Variants in TNFRSF8 observed in about 807,000 individuals in gnomAD.
The protein encoded by TNFRSF8 is tumor necrosis factor receptor superfamily member 8.
TNFRSF8 carries 26 observed loss-of-function variants against 70.8 expected under a neutral mutation model. The ratio of observed to expected loss-of-function variants is 0.37; its 90% CI spans 0.27 to 0.51. The LOEUF is 0.51. Among genes scored for constraint, TNFRSF8 ranks in the 20% least tolerant of loss-of-function variants. The pLI is 0.94. For synonymous variants in TNFRSF8, 356 were observed against 339.2 expected (o/e 1.05, Z -0.54); for missense variants, 720 against 807.9 (o/e 0.89, Z 1.32).
chr1:12,082,909 C>T (rs941971015), intron 1 of TNFRSF8, among the ~76,000 whole-genome samples: 2 of 151,716 alleles, frequency 1.3e-5, no homozygotes, highest in Non-Finnish European at 2.9e-5. Context: ...TACATATAAT[C>T]AACAAAAGCC....
chr1:12,117,236 C>T (rs1368900670), intron 8 of TNFRSF8, among the ~76,000 whole-genome samples: 1 of 152,090 alleles, frequency 6.6e-6, no homozygotes, highest in Non-Finnish European at 1.5e-5. Context: ...GTGCCCGCCA[C>T]CACACCCAGC....
intron 1 of TNFRSF8, chr1:12,077,893 C>G (rs1159724031): frequency 6.6e-6 from 1 of 151,300 alleles, no homozygotes; most frequent in African/African-American, 2.4e-5. Context: ...AAATATGGAC[C>G]GTTTCATGAA....
In TNFRSF8 at chr1:12,108,318, T is replaced by C. The variant is rs893929719; in HGVS notation, c.422-1248T>C. Among the ~76,000 whole-genome samples the C allele has an allele frequency of 1.3e-5, 2 of 151,484 alleles. No individual in the cohort carries two copies. The highest frequency in any genetic ancestry group is 4.8e-5 in the African/African-American group (2 of 41,280). On this transcript the variant is annotated intron_variant, in intron 4 of 14. Coordinates refer to ENST00000263932, the MANE Select transcript of TNFRSF8 (RefSeq NM_001243.5). This position sits in a 1 kb window ranked among gnomAD's most constrained non-coding sequence, Gnocchi z 4.0. ...TGGTCTCGAACTCCTGACCTCATGA[T>C]CCGCCCACCTCGGCCTCCCAAAGTG... is the stretch of plus-strand genomic sequence containing the variant.
At chr1:12,128,930 G>A (rs141589861) in intron 12 of TNFRSF8, among the ~76,000 whole-genome samples, 1 of 147,290 alleles carries the variant, frequency 6.8e-6, no homozygotes, top group African/African-American at 2.5e-5. Context: ...CGCCTCACGG[G>A]TTCAAGTGAT....
At chr1:12,085,043 A>G (rs990228953) in intron 2 of TNFRSF8, among the ~76,000 whole-genome samples, 3 of 152,264 alleles carry the variant, frequency 2.0e-5, no homozygotes, top group Middle Eastern at 3.4e-3. Context: ...GGCTGTCAAC[A>G]TCCTCTGACC....
intron 12 of TNFRSF8, among the ~76,000 whole-genome samples, chr1:12,131,943 G>A (rs146722370): frequency 0.016 from 2,370 of 151,904 alleles, 27 homozygotes; most frequent in Non-Finnish European, 0.025. Flanking sequence ...ATAGGCGCGC[G>A]CCACCATGCC....
chr1:12,090,373 C>T (rs765850903), intron 2 of TNFRSF8, among the ~76,000 whole-genome samples: 1 of 151,130 alleles, frequency 6.6e-6, no homozygotes, highest in African/African-American at 2.4e-5. Flanking sequence ...CACCCATCTA[C>T]TCACTCATCC....
At chr1:12,106,203 GC>G (rs1465463052) in intron 4 of TNFRSF8, among the ~76,000 whole-genome samples, 1 of 152,128 alleles carries the variant, frequency 6.6e-6, no homozygotes, top group African/African-American at 2.4e-5. Flanking sequence ...TCAGCACCAA[GC>G]CCTCACTCTC....
intron 4 of TNFRSF8, among the ~76,000 whole-genome samples, chr1:12,105,973 C>T (rs1026150487): frequency 6.6e-6 from 1 of 151,314 alleles, no homozygotes. Flanking sequence ...ACTCCAGGGA[C>T]TCACCACGGT....
At chr1:12,123,546 A>G (rs771395137) in intron 9 of TNFRSF8, among the ~76,000 whole-genome samples, 169 bp downstream of exon 9, 41 of 152,216 alleles carry the variant, frequency 2.7e-4, no homozygotes, top group Non-Finnish European at 4.7e-4. Context: ...GAAAGCCAGA[A>G]GGCCTTGAAA....
At position 12,126,243 on chromosome 1, in the gene TNFRSF8, GT is replaced by G. The variant is rs756063895; in HGVS notation, c.1309+8del. 3 of 1,614,110 alleles carry G rather than the reference GT, an allele frequency of 1.9e-6. No homozygotes were observed. In the East Asian group the frequency reaches 6.7e-5, roughly 36 times the overall value. The stretch of plus-strand genomic sequence containing the variant: ...CCCAAGCTAGAGCTTGTGGGTGAGT[GT>G]CCAGCCGTCCAAAGGGGCTGCCCGA... On this transcript the variant is annotated splice_region_variant and intron_variant, in intron 12 of 14. Transcript: ENST00000263932.
In TNFRSF8 at chr1:12,109,656, G is replaced by A. The variant is rs1434840010; in HGVS notation, c.512G>A (p.Ser171Asn). Residue 171 changes from serine (S) to asparagine (N), a missense_variant and splice_region_variant, in exon 5 of 15, where the codon AGT becomes AAT. Physicochemically the swap from Ser to Asn is conservative, Grantham distance 46. Transcript: ENST00000263932. This position sits in a 1 kb window ranked among gnomAD's most constrained non-coding sequence, Gnocchi z 4.4. ...ASPENCKEPS[S>N]GTIPQAKPTP... is the part of the protein sequence containing the mutation. ...CCAGAGAACTGCAAGGAACCCTCCAGGTGACTCCCTGGCTTTGCCTCCTCC... is the reference window on the plus strand; with the variant it reads ...CCAGAGAACTGCAAGGAACCCTCCAAGTGACTCCCTGGCTTTGCCTCCTCC... 1 of 1,613,252 alleles carries A rather than the reference G, an allele frequency of 6.2e-7. No homozygotes were observed. Among genetic ancestry groups the A allele is most frequent in the Admixed American group, 1.7e-5 (1 of 59,980 alleles).
At chr1:12,086,028 T>TG (rs1241114053) in intron 2 of TNFRSF8, among the ~76,000 whole-genome samples, 2 of 152,120 alleles carry the variant, frequency 1.3e-5, no homozygotes, top group Admixed American at 1.3e-4. Flanking sequence ...CCATTGCAAG[T>TG]GGGCGGGCAT....
intron 12 of TNFRSF8, among the ~76,000 whole-genome samples, chr1:12,132,688 A>G (rs192218688): frequency 6.6e-6 from 1 of 151,922 alleles, no homozygotes; most frequent in African/African-American, 2.4e-5. Flanking sequence ...AAATACAAAA[A>G]TTAGCCGGGT....
At chr1:12,099,989 C>A (rs201045229) in intron 3 of TNFRSF8, among the ~76,000 whole-genome samples, 3 of 151,728 alleles carry the variant, frequency 2.0e-5, no homozygotes, top group Non-Finnish European at 4.4e-5. Flanking sequence ...GCTAACATGG[C>A]GAAACCCCAT....
Position 12,119,162 on chromosome 1 carries a change from C to T in TNFRSF8, c.946+3433C>T, listed in dbSNP as rs1641786862. The stretch of plus-strand genomic sequence containing the variant: ...TACCGGCGTGAGCCACTGCGCCCGG[C>T]CATTTGTTTCTTCTTGCTCCTGCTG... On this transcript the variant is annotated intron_variant, in intron 8 of 14. Transcript: ENST00000263932. This position sits in a 1 kb window ranked among gnomAD's most constrained non-coding sequence, Gnocchi z 4.4. Among the ~76,000 whole-genome samples, 1 of 152,218 alleles carries T rather than the reference C, an allele frequency of 6.6e-6. No homozygotes were observed. Among genetic ancestry groups the T allele is most frequent in the Non-Finnish European group, 1.5e-5 (1 of 68,036 alleles).
At chr1:12,068,461 A>G (rs1014047348) in intron 1 of TNFRSF8, among the ~76,000 whole-genome samples, 2 of 152,132 alleles carry the variant, frequency 1.3e-5, no homozygotes, top group African/African-American at 2.4e-5. Context: ...AAAAAAAGGC[A>G]GCTCTCGGCC....
At position 12,110,179 on chromosome 1, in the gene TNFRSF8, T is replaced by C; in HGVS notation, c.651T>C (p.Ser217=). Residue 217 remains serine, a synonymous_variant, in exon 6 of 15, where the codon TCT becomes TCC. Transcript: ENST00000263932. The surrounding 1 kb of genome is among the most constrained non-coding windows in gnomAD (Gnocchi z 4.0). ...KLTRAPDSPS[S]VGRPSSDPGL... ...CGAGGGCTCCCGACTCTCCCTCCTCTGTGGGAAGGCCTAGTTCAGATCCAG... is the reference window on the plus strand; with the variant it reads ...CGAGGGCTCCCGACTCTCCCTCCTCCGTGGGAAGGCCTAGTTCAGATCCAG... 1 of 1,607,204 alleles carries C rather than the reference T, an allele frequency of 6.2e-7. No homozygotes were observed.
In TNFRSF8 at chr1:12,142,527, A is replaced by G. The variant is rs1441503935; in HGVS notation, c.1784A>G (p.Lys595Arg). 4 of 1,565,838 alleles carry G rather than the reference A, an allele frequency of 2.6e-6. No individual in the cohort carries two copies. The highest frequency in any genetic ancestry group is 3.5e-6 in the Non-Finnish European group (4 of 1,155,254). ...CCCTTGCCCACAGCTGCCTCTGGAAAGTGAGGCCTGGGCTGGGCTGGGGCT... is the reference window on the plus strand; with the variant it reads ...CCCTTGCCCACAGCTGCCTCTGGAAGGTGAGGCCTGGGCTGGGCTGGGGCT... ...EDPLPTAASG[K>R] The change falls in exon 15 of 15, where the codon AAG becomes AGG. Residue 595 changes from lysine (K) to arginine (R), a missense_variant. Coordinates refer to ENST00000263932, the MANE Select transcript of TNFRSF8 (RefSeq NM_001243.5). This position sits in a 1 kb window ranked among gnomAD's most constrained non-coding sequence, Gnocchi z 5.0.
Sources: gnomAD v4.1 joint callset for allele counts (sites outside exome capture counted in the v4.1 genomes callset) on GRCh38, gnomAD v4.1.1 for gene constraint, Gnocchi (gnomAD v3.1) non-coding constraint, MANE v1.5 for transcripts, NCBI Gene and HGNC (gene_info 2026-07-23, HGNC 2026-07-21) for gene names.